FUT8: variants seen among roughly 807,000 people sequenced by gnomAD.
FUT8 encodes the protein fucosyltransferase 8.
In FUT8, 29 loss-of-function variants were observed where a neutral mutation model predicts 71.3. The ratio of observed to expected loss-of-function variants is 0.41; its 90% CI spans 0.30 to 0.55. The LOEUF (loss-of-function observed/expected upper bound fraction) is 0.55. FUT8 is among the 20% of genes least tolerant of loss of function. The pLI, the probability that FUT8 is intolerant of heterozygous loss-of-function variation, is 0.34. For synonymous variants in FUT8, 254 were observed against 239.3 expected (o/e 1.06, Z -0.57); for missense variants, 544 against 702.1 (o/e 0.77, Z 2.55).
In FUT8 at chr14:65,413,432, G is replaced by A. The variant is rs1266099334; in HGVS notation, c.-326+218G>A. ...GCGCAGCCCCGGGGGCGCGGGCAGA[G>A]GGTGAGGGGCGCCCGCCTCTCCAGC... On this transcript the variant is annotated intron_variant, in intron 1 of 10. Transcript: ENST00000673929. The surrounding 1 kb of genome is among the most constrained non-coding windows in gnomAD (Gnocchi z 4.1). Among the ~76,000 whole-genome samples, 2 of 152,094 alleles carry A rather than the reference G, an allele frequency of 1.3e-5. No homozygotes were observed. The highest frequency in any genetic ancestry group is 1.3e-4 in the Admixed American group (2 of 15,274).
chr14:65,376,610 C>T, the FUT8 span, among the ~76,000 whole-genome samples: 294 of 144,216 alleles, frequency 2.0e-3, 23 homozygotes, highest in Non-Finnish European at 3.8e-3. Flanking sequence ...TGGGGTTTCA[C>T]CATGTTGGTC....
At chr14:65,558,235 G>A (rs1287772396) in intron 2 of FUT8, among the ~76,000 whole-genome samples, 1 of 149,402 alleles carries the variant, frequency 6.7e-6, no homozygotes, top group Non-Finnish European at 1.5e-5. Context: ...GGGAGGCTGA[G>A]ACAAGAGAAT....
intron 1 of FUT8, among the ~76,000 whole-genome samples, chr14:65,450,439 A>G (rs1200503617): frequency 1.3e-5 from 2 of 151,942 alleles, no homozygotes; most frequent in Admixed American, 6.6e-5. Context: ...CTCTTCCTTT[A>G]TTATGTTCAT....
At chr14:65,494,073 A>G (rs1481666166) in intron 2 of FUT8, among the ~76,000 whole-genome samples, 1 of 152,150 alleles carries the variant, frequency 6.6e-6, no homozygotes, top group Non-Finnish European at 1.5e-5. Context: ...TAGTTTAGTA[A>G]AAGCTATGGT....
chr14:65,362,129 G>A, the FUT8 span, among the ~76,000 whole-genome samples: 63 of 152,304 alleles, frequency 4.1e-4, 1 homozygote, highest in Admixed American at 3.3e-4. Flanking sequence ...TGGGTTGCAT[G>A]TTGTTTTAAC....
chr14:65,421,747 C>CCCCCCCCCT (rs57713947), intron 1 of FUT8, among the ~76,000 whole-genome samples: 11 of 79,210 alleles, frequency 1.4e-4, no homozygotes, highest in African/African-American at 4.9e-4. Context: ...CCACCCCCCC[C>CCCCCCCCCT]TTTTTTTTTT....
At chr14:65,651,587 G>A (rs1891410266) in intron 6 of FUT8, among the ~76,000 whole-genome samples, 1 of 152,156 alleles carries the variant, frequency 6.6e-6, no homozygotes, top group South Asian at 2.1e-4. Context: ...ACAGATGTTG[G>A]AATTGTCTGA....
At chr14:65,633,008 C>A (rs866648145) in intron 6 of FUT8, among the ~76,000 whole-genome samples, 1 of 146,758 alleles carries the variant, frequency 6.8e-6, no homozygotes, top group African/African-American at 2.6e-5. Flanking sequence ...CTCCCCTCCC[C>A]CCCCCCGTCT....
chr14:65,635,227 C>G (rs1890482943), intron 6 of FUT8, among the ~76,000 whole-genome samples: 1 of 152,124 alleles, frequency 6.6e-6, no homozygotes, highest in Admixed American at 6.5e-5. Flanking sequence ...TTCCTCAGTT[C>G]TAGCAGCTTT....
the FUT8 span, among the ~76,000 whole-genome samples, chr14:65,381,875 G>T: frequency 6.6e-6 from 1 of 152,068 alleles, no homozygotes; most frequent in Non-Finnish European, 1.5e-5. Flanking sequence ...CTTTTTAATT[G>T]TAAGTTACTG....
intron 2 of FUT8, among the ~76,000 whole-genome samples, chr14:65,458,960 T>C (rs2065934373): frequency 6.6e-6 from 1 of 152,132 alleles, no homozygotes. Context: ...AGCTAATTTT[T>C]GTATTTTTAG....
intron 3 of FUT8, among the ~76,000 whole-genome samples, chr14:65,581,434 G>A (rs1260386208): frequency 6.6e-6 from 1 of 152,094 alleles, no homozygotes; most frequent in Non-Finnish European, 1.5e-5. Context: ...GTCCTGTTAA[G>A]TATAGCACAT....
intron 1 of FUT8, among the ~76,000 whole-genome samples, chr14:65,423,688 G>T (rs190853213): frequency 6.6e-6 from 1 of 152,282 alleles, no homozygotes; most frequent in East Asian, 1.9e-4. Context: ...CAAGCCATCC[G>T]TGGCTGGCAT....
At chr14:65,381,610 C>A in the FUT8 span, among the ~76,000 whole-genome samples, 1 of 152,174 alleles carries the variant, frequency 6.6e-6, no homozygotes, top group African/African-American at 2.4e-5. Context: ...TCATTCATAC[C>A]TTCCATCTCA....
chr14:65,411,585 TTTTAATA>T (rs2065124033), upstream of FUT8: 2 of 179,670 alleles, frequency 1.1e-5, no homozygotes, highest in Non-Finnish European at 2.4e-5. Context: ...TTCTGTGATC[TTTTAATA>T]TTTAACATCT....
rs564857647 is a variant in FUT8 at position 65,419,229 on chromosome 14, C to G, written c.-326+6015C>G. Among the ~76,000 whole-genome samples, 17 of 152,078 alleles carry G rather than the reference C, an allele frequency of 1.1e-4. 1 individual carries two copies. Among genetic ancestry groups the G allele is most frequent in the Non-Finnish European group, 2.2e-4 (15 of 68,036 alleles). ...GAGCCGAGATCTTGCCATTGCACTCCAGCCTGGACAACAAGAGTGAAACTC... is the reference window on the plus strand; with the variant it reads ...GAGCCGAGATCTTGCCATTGCACTCGAGCCTGGACAACAAGAGTGAAACTC... On this transcript the variant is annotated intron_variant, in intron 1 of 10. Coordinates refer to ENST00000673929, the MANE Select transcript of FUT8 (RefSeq NM_001371533.1).
At chr14:65,589,679 C>T (rs1017082648) in intron 3 of FUT8, among the ~76,000 whole-genome samples, 23 of 152,058 alleles carry the variant, frequency 1.5e-4, no homozygotes, top group East Asian at 3.9e-4. Flanking sequence ...CTCCTGACCT[C>T]GTGATCTGCC....
Position 65,489,470 on chromosome 14 carries a change from A to G in FUT8, c.-228+33752A>G, listed in dbSNP as rs1012714718. ...AATCTCTGCTATCCAGGGATAAAAC[A>G]TAACATGCAATTAAAAAAATTTCAG... On this transcript the variant is annotated intron_variant, in intron 2 of 10. Coordinates refer to ENST00000673929, the MANE Select transcript of FUT8 (RefSeq NM_001371533.1). The surrounding 1 kb of genome is among the most constrained non-coding windows in gnomAD (Gnocchi z 4.0). Among the ~76,000 whole-genome samples, 1 of 152,176 alleles carries G rather than the reference A, an allele frequency of 6.6e-6. No homozygotes were observed. The highest frequency in any genetic ancestry group is 1.5e-5 in the Non-Finnish European group (1 of 68,018).
At chr14:65,412,610 C>T (rs571351814), upstream of FUT8, 559 of 298,014 alleles carry the variant, frequency 1.9e-3, 1 homozygote, top group Non-Finnish European at 3.1e-3. Context: ...TCTCCACCGG[C>T]GCAGCGAGGA....
Sources: gnomAD v4.1 joint callset for allele counts (sites outside exome capture counted in the v4.1 genomes callset) on GRCh38, gnomAD v4.1.1 for gene constraint, Gnocchi (gnomAD v3.1) non-coding constraint, MANE v1.5 for transcripts, NCBI Gene and HGNC (gene_info 2026-07-23, HGNC 2026-07-21) for gene names.